Variants in ZNF567 observed in about 807,000 individuals in gnomAD.
ZNF567 encodes zinc finger protein 567.
Under a neutral mutation model 53.9 loss-of-function variants are expected in ZNF567, and 36 were observed. The ratio of observed to expected loss-of-function variants is 0.67; its 90% CI spans 0.51 to 0.88. The LOEUF is 0.88. Among genes scored for constraint, ZNF567 ranks in the 40% least tolerant of loss-of-function variants. The probability of loss-of-function intolerance (pLI) is 0.00; values close to 1 mark genes in which losing one functional copy is unlikely to be tolerated. For missense variants in ZNF567, 619 were observed against 764.7 expected (o/e 0.81, Z 2.25); for synonymous variants, 224 against 260.4 (o/e 0.86, Z 1.35).
At chr19:36,671,359 T>A in the ZNF567 span, among the ~76,000 whole-genome samples, 1 of 152,280 alleles carries the variant, frequency 6.6e-6, no homozygotes, top group East Asian at 1.9e-4. Flanking sequence ...TCCATCTGGC[T>A]CCTCCTACAG....
At chr19:36,675,934 T>C in the ZNF567 span, among the ~76,000 whole-genome samples, 1 of 152,152 alleles carries the variant, frequency 6.6e-6, no homozygotes, top group African/African-American at 2.4e-5. Flanking sequence ...TATGTATATG[T>C]ACATGTATCT....
At chr19:36,699,246 A>G (rs373060017) in intron 3 of ZNF567, among the ~76,000 whole-genome samples, 1 of 152,176 alleles carries the variant, frequency 6.6e-6, no homozygotes, top group East Asian at 1.9e-4. Flanking sequence ...AAGTGGCATT[A>G]TTTCTGAGGG....
At chr19:36,711,227 C>T (rs2039770619) in intron 3 of ZNF567, 1 of 152,486 alleles carries the variant, frequency 6.6e-6, no homozygotes, top group Non-Finnish European at 1.5e-5. Context: ...CCCACCACCA[C>T]ACCCAGCTAA....
chr19:36,693,129 A>G (rs2038705802), intron 2 of ZNF567, among the ~76,000 whole-genome samples: 1 of 152,042 alleles, frequency 6.6e-6, no homozygotes, highest in African/African-American at 2.4e-5. Context: ...TTCTACCAAA[A>G]AAAAAAAAGT....
rs145936079 is a variant in ZNF567 at position 36,718,295 on chromosome 19, C to T, written c.224-653C>T. On this transcript the variant is annotated intron_variant, in intron 5 of 5. Coordinates refer to ENST00000682579, the MANE Select transcript of ZNF567 (RefSeq NM_001322917.1). ...TGGGCAGATCATGAGGTCAGGAGTTCGAGACCAACCTGGCCAGCATGGTGA... is the reference window on the plus strand; with the variant it reads ...TGGGCAGATCATGAGGTCAGGAGTTTGAGACCAACCTGGCCAGCATGGTGA... Among the ~76,000 whole-genome samples the T allele has an allele frequency of 3.7e-3, 561 of 152,008 alleles. 6 individuals carry two copies. Among genetic ancestry groups the T allele is most frequent in the African/African-American group, 0.012 (515 of 41,480 alleles).
chr19:36,720,040 A>G lies in ZNF567; in HGVS notation c.1316A>G (p.His439Arg). 6.2e-7 allele frequency: 1 copy of G among 1,614,162 alleles called. No homozygotes were observed. The highest frequency in any genetic ancestry group is 8.5e-7 in the Non-Finnish European group (1 of 1,180,032). Reference sequence around the variant, plus strand: ...TCCCAGAAGACAACCCTTGCTCTTCATGAGAAAACTCATAATGAGGAGAAA... The same window carrying G: ...TCCCAGAAGACAACCCTTGCTCTTCGTGAGAAAACTCATAATGAGGAGAAA... The part of the protein sequence containing the change: ...SFSQKTTLAL[H>R]EKTHNEEKPY... Residue 439 changes from histidine to arginine, a missense_variant, in exon 6 of 6, where the codon CAT (histidine) becomes CGT (arginine). By Grantham distance (29) the His-to-Arg change is conservative. Coordinates refer to ENST00000682579, the MANE Select transcript of ZNF567 (RefSeq NM_001322917.1).
rs75039590 is a variant in ZNF567 at position 36,708,523 on chromosome 19, T to C, written c.10-3863T>C. 5.6e-3 allele frequency among the ~76,000 whole-genome samples: 850 copies of C among 152,322 alleles called. 23 individuals carry two copies. The highest frequency in any genetic ancestry group is 0.037 in the Admixed American group (567 of 15,298). ...TTTACATTAGGGTTCACTATTGATA[T>C]TGATAATGTGGGTTTTGACAAATAT... On this transcript the variant is annotated intron_variant, in intron 3 of 5. Transcript: ENST00000682579.
Position 36,719,794 on chromosome 19 carries a change from G to C in ZNF567, c.1070G>C (p.Arg357Thr). 1.2e-6 allele frequency: 2 copies of C among 1,614,182 alleles called. No homozygotes were observed. The highest frequency in any genetic ancestry group is 1.7e-6 in the Non-Finnish European group (2 of 1,180,024). ...AAGTCACACCTCATTCGTCATCAGA[G>C]AACTCACACGGGAGAGAAACCATAT... ...RLKSHLIRHQ[R>T]THTGEKPYEC... is the part of the protein sequence containing the mutation. Residue 357 changes from arginine (R) to threonine (T), a missense_variant, in exon 6 of 6, where the codon AGA (arginine) becomes ACA (threonine). Arg to Thr is a moderately conservative substitution (Grantham distance 71, BLOSUM62 -1). Coordinates refer to ENST00000682579, the MANE Select transcript of ZNF567 (RefSeq NM_001322917.1).
At chr19:36,712,548 C>G in intron 4 of ZNF567, 36 bp downstream of exon 4, 1 of 1,613,114 alleles carries the variant, frequency 6.2e-7, no homozygotes, top group Non-Finnish European at 8.5e-7. Context: ...TAGTAGCATG[C>G]ACTTCCTCTC....
chr19:36,682,256 C>A, the ZNF567 span, among the ~76,000 whole-genome samples: 1 of 143,746 alleles, frequency 7.0e-6, no homozygotes, highest in African/African-American at 2.6e-5. Context: ...GTCACTCTAG[C>A]CTGGAGTACA....
intron 3 of ZNF567, among the ~76,000 whole-genome samples, chr19:36,709,816 A>C (rs1405098102): frequency 6.6e-6 from 1 of 152,178 alleles, no homozygotes; most frequent in Non-Finnish European, 1.5e-5. Flanking sequence ...TCTAGGTTTT[A>C]TCTGAAAATA....
downstream of ZNF567, chr19:36,726,982 T>TTCTTTTTCTTTCTTTC (rs375360156): frequency 3.6e-5 from 2 of 55,390 alleles, no homozygotes; most frequent in African/African-American, 1.4e-4. Flanking sequence ...CTTTCTTTCT[T>TTCTTTTTCTTTCTTTC]TTTCTTTCTT....
rs964895433 is a variant in ZNF567 at position 36,712,926 on chromosome 19, AG to A, written c.223+60del. 4.9e-5 allele frequency: 66 copies of A among 1,342,378 alleles called. No homozygotes were observed. In the East Asian group the frequency reaches 1.5e-3, roughly 30 times the overall value. 83.2% of individuals were successfully genotyped at this position (1,342,378 alleles called of 1,614,324 possible). On this transcript the variant is annotated intron_variant, in intron 5 of 5. Coordinates refer to ENST00000682579, the MANE Select transcript of ZNF567 (RefSeq NM_001322917.1). ...GCAGAATGTAAATTTAAAAGGGTCA[AG>A]TGGGGGTGATACCTTTGAAATGTTT...
chr19:36,695,884 A>G (rs144346675), intron 3 of ZNF567, among the ~76,000 whole-genome samples: 164 of 152,288 alleles, frequency 1.1e-3, no homozygotes, highest in Middle Eastern at 6.8e-3. Context: ...TCAAGATGGT[A>G]GTGAAATTGA....
chr19:36,683,735 G>C (rs1271496246), upstream of ZNF567, among the ~76,000 whole-genome samples: 6 of 152,250 alleles, frequency 3.9e-5, no homozygotes, highest in South Asian at 1.0e-3. Flanking sequence ...GGGAGGCTGA[G>C]GTGGGGGAAT....
chr19:36,718,220 C>T (rs755232095), intron 5 of ZNF567, among the ~76,000 whole-genome samples: 1 of 152,138 alleles, frequency 6.6e-6, no homozygotes, highest in Non-Finnish European at 1.5e-5. Flanking sequence ...TGGTGATCAG[C>T]CGGGCACAGT....
chr19:36,707,221 T>C (rs1366903324), intron 3 of ZNF567, among the ~76,000 whole-genome samples: 1 of 152,170 alleles, frequency 6.6e-6, no homozygotes, highest in African/African-American at 2.4e-5. Context: ...TTATTAGAAG[T>C]ACTTCTTTAT....
intron 3 of ZNF567, among the ~76,000 whole-genome samples, chr19:36,696,986 T>C (rs2038919989): frequency 6.6e-6 from 1 of 152,232 alleles, no homozygotes; most frequent in African/African-American, 2.4e-5. Flanking sequence ...CTCCCAATTT[T>C]ATTCTTTATA....
At chr19:36,683,330 C>T (rs958230180), upstream of ZNF567, among the ~76,000 whole-genome samples, 7 of 152,054 alleles carry the variant, frequency 4.6e-5, no homozygotes, top group African/African-American at 1.4e-4. Context: ...TCTCAGCCTC[C>T]GAAAGTGCTG....
Sources: allele counts gnomAD v4.1 joint callset (sites outside exome capture counted in the v4.1 genomes callset), GRCh38; gene constraint gnomAD v4.1.1; transcripts MANE v1.5; gene names NCBI Gene and HGNC (gene_info 2026-07-23, HGNC 2026-07-21).